The following AMZ2 variants were observed in gnomAD, a reference collection of about 807,000 sequenced individuals.
AMZ2 encodes the protein archaemetzincin-2.
Under a neutral mutation model 36.7 loss-of-function variants are expected in AMZ2, and 26 were observed. The ratio of observed to expected loss-of-function variants is 0.71; its 90% confidence interval spans 0.52 to 0.98. AMZ2 has a LOEUF of 0.98. AMZ2 is among the 50% of genes least tolerant of loss of function. The probability of loss-of-function intolerance (pLI) is 0.00; values close to 1 mark genes in which losing one functional copy is unlikely to be tolerated. For synonymous variants in AMZ2, 144 were observed against 149.1 expected (o/e 0.97, Z 0.25); for missense variants, 394 against 430.5 (o/e 0.92, Z 0.75).
At chr17:68,207,919 G>T (rs1599243827) in intron 1 of AMZ2, among the ~76,000 whole-genome samples, 1 of 152,134 alleles carries the variant, frequency 6.6e-6, no homozygotes, top group African/African-American at 2.4e-5. Context: ...TGAGTTCCCA[G>T]TGGGTGTGGG....
At chr17:68,244,830 T>A (rs782016734), upstream of AMZ2, among the ~76,000 whole-genome samples, 27 of 152,230 alleles carry the variant, frequency 1.8e-4, no homozygotes, top group Admixed American at 4.6e-4. Flanking sequence ...TAGTGTTTTT[T>A]ATTTTATTTC....
intron 1 of AMZ2, among the ~76,000 whole-genome samples, chr17:68,241,951 G>T (rs1265205174): frequency 6.7e-6 from 1 of 150,286 alleles, no homozygotes; most frequent in Non-Finnish European, 1.5e-5. Context: ...CGCCATGTTG[G>T]CCAGGCTGGT....
chr17:68,210,541 G>C (rs2073012471), intron 1 of AMZ2, among the ~76,000 whole-genome samples: 1 of 152,214 alleles, frequency 6.6e-6, no homozygotes, highest in African/African-American at 2.4e-5. Context: ...GGAGAGAATG[G>C]GGAGTTAGTG....
intron 1 of AMZ2, among the ~76,000 whole-genome samples, chr17:68,230,045 T>G (rs1161685470): frequency 6.6e-6 from 1 of 152,144 alleles, no homozygotes; most frequent in Non-Finnish European, 1.5e-5. Context: ...AAGCCCAGCA[T>G]CTGTCCCTGT....
intron 1 of AMZ2, among the ~76,000 whole-genome samples, chr17:68,214,036 GT>G (rs71355806): frequency 0.24 from 34,198 of 144,556 alleles, 4,168 homozygotes; most frequent in South Asian, 0.29. Flanking sequence ...TTAATGACAG[GT>G]TTTTTTTTTT....
At chr17:68,213,850 G>T (rs11077356) in intron 1 of AMZ2, among the ~76,000 whole-genome samples, 33,871 of 149,916 alleles carry the variant, frequency 0.23, 4,098 homozygotes, top group South Asian at 0.28. Flanking sequence ...ATGTGTTCAG[G>T]TTTTTAAGAT....
chr17:68,226,350 G>C (rs2144574333), intron 1 of AMZ2, among the ~76,000 whole-genome samples: 1 of 152,354 alleles, frequency 6.6e-6, no homozygotes, highest in African/African-American at 2.4e-5. Flanking sequence ...ACCCAGGGAG[G>C]CTTCCTTCAG....
intron 1 of AMZ2, among the ~76,000 whole-genome samples, chr17:68,228,455 G>T (rs182630370): frequency 6.6e-6 from 1 of 152,140 alleles, no homozygotes; most frequent in Non-Finnish European, 1.5e-5. Flanking sequence ...ACTGCCCATC[G>T]GCAAAATGCT....
At chr17:68,207,548 T>A (rs1455719246) in intron 1 of AMZ2, 1 of 152,222 alleles carries the variant, frequency 6.6e-6, no homozygotes, top group Non-Finnish European at 1.5e-5. Flanking sequence ...CATGTCTTTC[T>A]CAGAGAGACT....
At chr17:68,215,364 C>T (rs1200593398) in intron 1 of AMZ2, among the ~76,000 whole-genome samples, 1 of 133,544 alleles carries the variant, frequency 7.5e-6, no homozygotes, top group Non-Finnish European at 1.6e-5. Flanking sequence ...GAGGTGGTAA[C>T]ATGGAAACCT....
upstream of AMZ2, among the ~76,000 whole-genome samples, chr17:68,245,949 G>A (rs1178657263): frequency 1.3e-5 from 2 of 152,130 alleles, no homozygotes; most frequent in African/African-American, 4.8e-5. Context: ...TCAGAAGACA[G>A]CTGTTCAGTC....
chr17:68,247,556 G>A, upstream of AMZ2: 1 of 898,200 alleles, frequency 1.1e-6, no homozygotes, highest in Non-Finnish European at 1.3e-6. Context: ...CTGGGTTCCA[G>A]CCCCCGCGGC....
intron 4 of AMZ2, among the ~76,000 whole-genome samples, chr17:68,251,557 C>T (rs2074477094): frequency 2.0e-5 from 3 of 152,136 alleles, no homozygotes; most frequent in South Asian, 2.1e-4. Flanking sequence ...GTCCTAGCTA[C>T]GCAGGAGGCT....
upstream of AMZ2, among the ~76,000 whole-genome samples, chr17:68,246,354 C>T (rs147341757): frequency 2.0e-5 from 3 of 151,888 alleles, no homozygotes; most frequent in African/African-American, 4.8e-5. Flanking sequence ...GATGACAGAG[C>T]GAGACTTCGT....
intron 1 of AMZ2, among the ~76,000 whole-genome samples, chr17:68,230,622 T>C (rs570094523): frequency 7.7e-4 from 118 of 152,376 alleles, no homozygotes; most frequent in Non-Finnish European, 1.4e-3. Flanking sequence ...GGATGTGTTC[T>C]ATCCCACAGC....
chr17:68,233,108 T>C (rs2073703835), intron 1 of AMZ2, among the ~76,000 whole-genome samples: 1 of 152,236 alleles, frequency 6.6e-6, no homozygotes, highest in South Asian at 2.1e-4. Flanking sequence ...CAGCTACATG[T>C]TGTGTCCTCA....
At chr17:68,243,176 C>T (rs1213260286), upstream of AMZ2, among the ~76,000 whole-genome samples, 2 of 151,746 alleles carry the variant, frequency 1.3e-5, no homozygotes, top group Admixed American at 1.3e-4. Context: ...GCTCTGTCAC[C>T]CAGGCTGGAG....
intron 1 of AMZ2, among the ~76,000 whole-genome samples, chr17:68,229,802 G>C (rs7224860): frequency 0.22 from 33,160 of 152,164 alleles, 4,084 homozygotes; most frequent in East Asian, 0.39. Context: ...TCAGGGGTCC[G>C]GGCTGGTGTA....
upstream of AMZ2, among the ~76,000 whole-genome samples, chr17:68,246,351 G>A (rs1343110827): frequency 1.3e-5 from 2 of 152,130 alleles, no homozygotes; most frequent in African/African-American, 2.4e-5. Context: ...CTGGATGACA[G>A]AGCGAGACTT....
Sources: allele counts gnomAD v4.1 joint callset (sites outside exome capture counted in the v4.1 genomes callset), GRCh38; gene constraint gnomAD v4.1.1; transcripts MANE v1.5; gene names NCBI Gene and HGNC (gene_info 2026-07-23, HGNC 2026-07-21).